The following UGP2 variants were observed in gnomAD, a reference collection of about 807,000 sequenced individuals.
The protein encoded by UGP2 is UDP-glucose pyrophosphorylase 2, also known as UTP--glucose-1-phosphate uridylyltransferase.
In UGP2, 40 loss-of-function variants were observed where a neutral mutation model predicts 49.0. The ratio of observed to expected loss-of-function variants is 0.82; its 90% confidence interval spans 0.63 to 1.06. The LOEUF (loss-of-function observed/expected upper bound fraction) is 1.06. Ranked by LOEUF, UGP2 falls within the 50% of genes least tolerant of loss-of-function variation. The probability of loss-of-function intolerance (pLI) is 0.00; values close to 1 mark genes in which losing one functional copy is unlikely to be tolerated. For missense variants in UGP2, 460 were observed against 603.5 expected, an observed-to-expected ratio of 0.76 and a Z score of 2.49; for synonymous variants, 225 against 213.0, an observed-to-expected ratio of 1.06 and a Z score of -0.49.
At chr2:63,852,268 T>C (rs1451329329) in intron 1 of UGP2, among the ~76,000 whole-genome samples, 3 of 152,224 alleles carry the variant, frequency 2.0e-5, no homozygotes, top group Non-Finnish European at 4.4e-5. Flanking sequence ...ATACTGGCAA[T>C]GTTTGGTTAT....
In UGP2 at chr2:63,891,510, T is replaced by G. The variant is rs1173599963; in HGVS notation, c.*283T>G. ...GAAGAACTTTTAACAGAAGCCTCAA[T>G]GATGATCACTTTGAATTGCTTGTGA... On this transcript the variant is annotated 3_prime_UTR_variant, in exon 10 of 10. Coordinates refer to ENST00000337130, the MANE Select transcript of UGP2 (RefSeq NM_006759.4). 4.2e-6 allele frequency: 1 copy of G among 236,336 alleles called. No individual in the cohort carries two copies. The highest frequency in any genetic ancestry group is 5.5e-5 in the Admixed American group (1 of 18,132). The allele number at this position is 236,336 out of a possible 1,614,324, so 14.6% of individuals were successfully genotyped here. A position where few individuals can be genotyped will look rare whatever the true frequency, so the allele number is the denominator to read the frequency against.
At chr2:63,876,456 C>T (rs995514662) in intron 3 of UGP2, among the ~76,000 whole-genome samples, 1 of 152,126 alleles carries the variant, frequency 6.6e-6, no homozygotes, top group African/African-American at 2.4e-5. Flanking sequence ...TTATCTTGAC[C>T]ACTTGAAATA....
upstream of UGP2, among the ~76,000 whole-genome samples, chr2:63,841,471 G>C (rs895941236): frequency 1.3e-5 from 2 of 152,152 alleles, no homozygotes; most frequent in African/African-American, 4.8e-5. Flanking sequence ...TGTCCGCTGC[G>C]GGGGAGGGGC....
chr2:63,853,927 AAGTC>A (rs1669206579), intron 1 of UGP2, among the ~76,000 whole-genome samples: 1 of 152,230 alleles, frequency 6.6e-6, no homozygotes, highest in Non-Finnish European at 1.5e-5. Flanking sequence ...AGTGTCTAGT[AAGTC>A]CAGTTTTATG....
In UGP2 at chr2:63,848,129, A is replaced by C. The variant is rs183019460; in HGVS notation, c.19+5925A>C. 2.2e-3 allele frequency among the ~76,000 whole-genome samples: 340 copies of C among 152,300 alleles called. 2 individuals carry two copies. Among genetic ancestry groups the C allele is most frequent in the Middle Eastern group, 0.02 (6 of 294 alleles). On this transcript the variant is annotated intron_variant, in intron 1 of 9. Coordinates refer to ENST00000337130, the MANE Select transcript of UGP2 (RefSeq NM_006759.4). ...GGGCAAGTTCTCTGGCTTGGGGTTT[A>C]ATGGATGAGAAAATATGATTCAGTT...
intron 1 of UGP2, among the ~76,000 whole-genome samples, chr2:63,844,753 G>T (rs750377849): frequency 3.7e-4 from 57 of 152,114 alleles, no homozygotes; most frequent in Non-Finnish European, 7.1e-4. Context: ...AAAGAGACAG[G>T]CTTTCCCTAT....
chr2:63,858,014 A>G, intron 3 of UGP2, 78 bp downstream of exon 3: 1 of 1,299,486 alleles, frequency 7.7e-7, no homozygotes, highest in Non-Finnish European at 1.1e-6. Flanking sequence ...TGGGTAGTGT[A>G]GGGGACCTAT....
intron 1 of UGP2, 150 bp from the exon 2 acceptor site, chr2:63,856,156 T>A: frequency 1.1e-6 from 1 of 901,964 alleles, no homozygotes; most frequent in South Asian, 1.8e-5. Flanking sequence ...TCCTAACTAG[T>A]TGACACCACT....
chr2:63,871,486 G>A (rs948793458), intron 3 of UGP2, among the ~76,000 whole-genome samples: 6 of 152,112 alleles, frequency 3.9e-5, no homozygotes, highest in Admixed American at 6.5e-5. Flanking sequence ...GGGTTTTGCC[G>A]TGTTGGCCAG....
chr2:63,856,075 C>A, intron 1 of UGP2: 1 of 402,242 alleles, frequency 2.5e-6, no homozygotes, highest in South Asian at 4.0e-5. Context: ...GAAGTAGAGG[C>A]ACCTTGGAAT....
At chr2:63,884,311 C>G (rs1376238459) in intron 5 of UGP2, among the ~76,000 whole-genome samples, 2 of 152,208 alleles carry the variant, frequency 1.3e-5, no homozygotes, top group South Asian at 2.1e-4. Flanking sequence ...GCTTGAGACT[C>G]TGTTCCATGT....
At chr2:63,857,656 A>T in intron 2 of UGP2, 173 bp from the exon 3 acceptor site, 1 of 692,520 alleles carries the variant, frequency 1.4e-6, no homozygotes, top group Non-Finnish European at 2.5e-6. Context: ...TGCACCAACT[A>T]CGCCCAGCCT....
At chr2:63,855,535 T>C (rs1213065279) in intron 1 of UGP2, 1 of 293,766 alleles carries the variant, frequency 3.4e-6, no homozygotes, top group African/African-American at 2.3e-5. Context: ...TTTTTTTTTT[T>C]TTTTTTCTCT....
intron 2 of UGP2, 119 bp downstream of exon 2, chr2:63,856,552 C>T (rs1281129055): frequency 8.6e-7 from 1 of 1,158,248 alleles, no homozygotes; most frequent in Non-Finnish European, 1.2e-6. Flanking sequence ...TGTACGATAA[C>T]ATCAAAAACA....
intron 1 of UGP2, among the ~76,000 whole-genome samples, chr2:63,844,009 C>T (rs1340309699): frequency 6.6e-6 from 1 of 152,214 alleles, no homozygotes; most frequent in Non-Finnish European, 1.5e-5. Flanking sequence ...TGTCCTCCTG[C>T]GTTAGCCTCC....
chr2:63,856,733 T>C (rs1669461746), intron 2 of UGP2: 1 of 484,204 alleles, frequency 2.1e-6, no homozygotes, highest in South Asian at 1.6e-5. Flanking sequence ...TGCATACCTG[T>C]GTTCAGTTGT....
chr2:63,842,689 A>C (rs1671652326), intron 1 of UGP2: 1 of 1,254,740 alleles, frequency 8.0e-7, no homozygotes, highest in East Asian at 2.7e-5. Flanking sequence ...AGATTCACTT[A>C]TTGCGAAACT....
chr2:63,885,958 T>C (rs951996348), intron 6 of UGP2, 72 bp downstream of exon 6: 88 of 1,454,130 alleles, frequency 6.1e-5, no homozygotes, highest in Non-Finnish European at 7.7e-5. Flanking sequence ...TAAAGACTTT[T>C]TTATTTGAAA....
intron 3 of UGP2, among the ~76,000 whole-genome samples, chr2:63,875,948 C>G (rs1232581452): frequency 2.0e-5 from 3 of 152,016 alleles, no homozygotes; most frequent in African/African-American, 7.2e-5. Flanking sequence ...GAGGCTGTAT[C>G]CAGTAGTATG....
Sources: allele counts gnomAD v4.1 joint callset (sites outside exome capture counted in the v4.1 genomes callset), GRCh38; gene constraint gnomAD v4.1.1; transcripts MANE v1.5; gene names NCBI Gene and HGNC (gene_info 2026-07-23, HGNC 2026-07-21).